The following SGCD variants were observed in gnomAD, a reference collection of about 807,000 sequenced individuals.
SGCD encodes sarcoglycan delta, also known as delta-sarcoglycan.
In SGCD, 18 loss-of-function variants were observed where a neutral mutation model predicts 36.6. That is an observed-to-expected ratio of 0.49 (90% CI 0.34 to 0.73). The LOEUF is 0.73. SGCD is among the 30% of genes least tolerant of loss of function. The pLI, the probability that SGCD is intolerant of heterozygous loss-of-function variation, is 0.01. For missense variants in SGCD, 387 were observed against 346.7 expected (o/e 1.12, Z -0.92); for synonymous variants, 133 against 130.6 (o/e 1.02, Z -0.12).
At chr5:156,147,901 A>T (rs1405164579) in intron 3 of SGCD, among the ~76,000 whole-genome samples, 1 of 152,220 alleles carries the variant, frequency 6.6e-6, no homozygotes, top group East Asian at 1.9e-4. Flanking sequence ...TAAACTTTTC[A>T]TCTTAATGCC....
At chr5:156,533,626 A>C (rs1411293411) in intron 4 of SGCD, among the ~76,000 whole-genome samples, 1 of 152,200 alleles carries the variant, frequency 6.6e-6, no homozygotes, top group Non-Finnish European at 1.5e-5. Context: ...CTAACTACAG[A>C]ACATAGAAAA....
At chr5:156,014,333 G>A (rs1462323500) in intron 1 of SGCD, among the ~76,000 whole-genome samples, 1 of 151,940 alleles carries the variant, frequency 6.6e-6, no homozygotes. Flanking sequence ...TTTTAAACCT[G>A]CAGAAAATTT....
At chr5:156,305,935 T>G (rs1767199064) in intron 3 of SGCD, among the ~76,000 whole-genome samples, 1 of 152,188 alleles carries the variant, frequency 6.6e-6, no homozygotes, top group Non-Finnish European at 1.5e-5. Context: ...TTTGGCCACT[T>G]TCTCCCATTT....
At chr5:156,376,263 G>C (rs891950820) in intron 3 of SGCD, among the ~76,000 whole-genome samples, 1 of 152,164 alleles carries the variant, frequency 6.6e-6, no homozygotes, top group African/African-American at 2.4e-5. Context: ...CAAACATAGA[G>C]TGAGAGAACA....
intron 3 of SGCD, among the ~76,000 whole-genome samples, chr5:156,304,964 T>C (rs1767163690): frequency 6.6e-6 from 1 of 152,172 alleles, no homozygotes; most frequent in Non-Finnish European, 1.5e-5. Context: ...GCAGAAGAAA[T>C]TTCTAAGCAG....
intron 4 of SGCD, among the ~76,000 whole-genome samples, chr5:156,559,568 A>C (rs1006217833): frequency 1.3e-5 from 2 of 152,196 alleles, no homozygotes; most frequent in Non-Finnish European, 2.9e-5. Context: ...AGGAAGTTTC[A>C]AATTTTCTAC....
At chr5:156,546,691 A>G (rs1239918488) in intron 4 of SGCD, among the ~76,000 whole-genome samples, 1 of 152,208 alleles carries the variant, frequency 6.6e-6, no homozygotes, top group East Asian at 1.9e-4. Context: ...GACCTTGAAA[A>G]TGTGTGAAAT....
chr5:156,423,373 T>TAATATAATATATTA (rs1773496474), intron 3 of SGCD, among the ~76,000 whole-genome samples: 1 of 98,424 alleles, frequency 1.0e-5, no homozygotes, highest in Admixed American at 1.3e-4. Flanking sequence ...ATATTATATT[T>TAATATAATATATTA]TATTATAATA....
At chr5:156,223,741 A>AG (rs1764779516) in intron 3 of SGCD, among the ~76,000 whole-genome samples, 1 of 152,036 alleles carries the variant, frequency 6.6e-6, no homozygotes, top group Non-Finnish European at 1.5e-5. Context: ...CTAAATGCAG[A>AG]GGGGGGATAG....
At chr5:156,756,866 C>T (rs1237933824) in intron 7 of SGCD, among the ~76,000 whole-genome samples, 2 of 152,176 alleles carry the variant, frequency 1.3e-5, no homozygotes, top group Non-Finnish European at 2.9e-5. Flanking sequence ...AACCACTGAC[C>T]CTCTCTGCAG....
intron 1 of SGCD, among the ~76,000 whole-genome samples, chr5:155,900,473 T>C (rs1220147780): frequency 6.6e-6 from 1 of 152,040 alleles, no homozygotes; most frequent in Non-Finnish European, 1.5e-5. Flanking sequence ...GTGCACAATA[T>C]GCAGGTTAGT....
chr5:155,920,174 T>C (rs1197517335), intron 1 of SGCD, among the ~76,000 whole-genome samples: 1 of 152,182 alleles, frequency 6.6e-6, no homozygotes, highest in Non-Finnish European at 1.5e-5. Flanking sequence ...TGGGACACAC[T>C]GCAATAGTCT....
At chr5:156,636,546 G>C (rs1168627698) in intron 6 of SGCD, among the ~76,000 whole-genome samples, 2 of 152,138 alleles carry the variant, frequency 1.3e-5, no homozygotes, top group African/African-American at 2.4e-5. Flanking sequence ...GGGAGCAATT[G>C]GTGATAACTG....
chr5:156,062,089 G>A (rs1164588023), intron 1 of SGCD, among the ~76,000 whole-genome samples: 4 of 70,648 alleles, frequency 5.7e-5, no homozygotes, highest in East Asian at 3.2e-4. Flanking sequence ...CCCCTCCCCC[G>A]ACCCCACCAC....
chr5:155,739,301 TG>T, the SGCD span, among the ~76,000 whole-genome samples: 1 of 152,196 alleles, frequency 6.6e-6, no homozygotes, highest in Admixed American at 6.5e-5. Flanking sequence ...GATCTTTCCA[TG>T]CAGCAGGAAA....
chr5:156,075,387 TA>T (rs140299413), intron 1 of SGCD, among the ~76,000 whole-genome samples: 1 of 151,866 alleles, frequency 6.6e-6, no homozygotes, highest in Non-Finnish European at 1.5e-5. Context: ...ATATAAAAAA[TA>T]AAAAAATCAT....
In SGCD at chr5:156,672,646, T is replaced by C. The variant is rs571091573; in HGVS notation, c.575+25110T>C. Among the ~76,000 whole-genome samples the C allele has an allele frequency of 7.9e-5, 12 of 152,358 alleles. No homozygotes were observed. In the South Asian group the frequency reaches 2.1e-3, roughly 26 times the overall value. ...AGCATTGTTGACATGTTTCTTCTGT[T>C]CTTACTTCTTCTCTCTCCCTTCGTC... On this transcript the variant is annotated intron_variant, in intron 7 of 8. Coordinates refer to ENST00000337851, the MANE Select transcript of SGCD (RefSeq NM_000337.6).
At chr5:156,726,203 A>G (rs1755765476) in intron 7 of SGCD, among the ~76,000 whole-genome samples, 1 of 152,150 alleles carries the variant, frequency 6.6e-6, no homozygotes, top group Non-Finnish European at 1.5e-5. Context: ...GACCTTGCCT[A>G]TTACAATAAT....
In SGCD at chr5:156,200,746, C is replaced by T. The variant is rs145648150; in HGVS notation, c.-44+76727C>T. ...AGCAATCCCACTTCTGAGTATATAT[C>T]GCAAAGAATTCAAAGCAGAATCTCA... On this transcript the variant is annotated intron_variant, in intron 3 of 9. Transcript: ENST00000517913. Among the ~76,000 whole-genome samples, 390 of 152,208 alleles carry T rather than the reference C, an allele frequency of 2.6e-3. 1 individual carries two copies. Among genetic ancestry groups the T allele is most frequent in the Admixed American group, 5.0e-3 (77 of 15,272 alleles).
Sources: allele counts gnomAD v4.1 joint callset (sites outside exome capture counted in the v4.1 genomes callset), GRCh38; gene constraint gnomAD v4.1.1; transcripts MANE v1.5; gene names NCBI Gene and HGNC (gene_info 2026-07-23, HGNC 2026-07-21).